Variants in FOXD4 observed in about 807,000 individuals in gnomAD.
FOXD4 encodes forkhead box protein D4.
In FOXD4, 22 loss-of-function variants were observed where a neutral mutation model predicts 26.5. That is an observed-to-expected ratio of 0.83 (90% CI 0.59 to 1.18). The LOEUF is 1.18. Ranked by LOEUF, FOXD4 falls within the 50% of genes most tolerant of loss-of-function variation. The pLI is 0.00. For synonymous variants in FOXD4, 258 were observed against 273.7 expected (o/e 0.94, Z 0.57); for missense variants, 625 against 605.8 (o/e 1.03, Z -0.33).
chr9:117,313 G>C lies in FOXD4; in HGVS notation c.807C>G (p.Leu269=), dbSNP rs201210219. The part of the protein sequence containing the change: ...LHPHPPRYLL[L]SAPAYAGAPK... ...GTGCCCCGGCATAGGCGGGGGCCGA[G>C]AGCAGTAGGTAGCGAGGAGGATGCG... The change falls in exon 1 of 1, where the codon CTC becomes CTG. Residue 269 remains leucine (L), a synonymous_variant. Coordinates refer to ENST00000382500, the MANE Select transcript of FOXD4 (RefSeq NM_207305.5). The C allele has an allele frequency of 5.1e-3, 8,184 of 1,600,496 alleles. 115 individuals are homozygous for C. In the African/African-American group the frequency reaches 0.058, roughly 11 times the overall value.
chr9:117,381 G>T lies in FOXD4; in HGVS notation c.739C>A (p.Pro247Thr), dbSNP rs768874618. The change falls in exon 1 of 1, where the codon CCC (proline) becomes ACC (threonine). Residue 247 changes from proline (P) to threonine (T), a missense_variant. Physicochemically the swap from Pro to Thr is conservative, Grantham distance 38. This residue lies in a region of FOXD4 where 92 missense variants were observed against 144.2 expected (regional missense o/e 0.64). Coordinates refer to ENST00000382500, the MANE Select transcript of FOXD4 (RefSeq NM_207305.5). ...APPQPVPGAY[P>T]NTGPGRRPYA... Reference sequence around the variant, plus strand: ...GGGCGTCTCCCGGGGCCGGTGTTGGGGTAGGCCCCCGGGACTGGCTGCGGC... The same window carrying T: ...GGGCGTCTCCCGGGGCCGGTGTTGGTGTAGGCCCCCGGGACTGGCTGCGGC... 2 of 1,590,796 alleles carry T rather than the reference G, an allele frequency of 1.3e-6. No individual in the cohort carries two copies. The highest frequency in any genetic ancestry group is 1.7e-5 in the Admixed American group (1 of 59,752).
Position 117,359 on chromosome 9 carries a change from C to A in FOXD4, c.761G>T (p.Arg254Leu). 6.3e-7 allele frequency: 1 copy of A among 1,589,838 alleles called. No homozygotes were observed. Among genetic ancestry groups the A allele is most frequent in the Non-Finnish European group, 8.5e-7 (1 of 1,174,536 alleles). ...GAYPNTGPGRRPYALLHPHPP... is the reference protein window; with the variant it reads ...GAYPNTGPGRLPYALLHPHPP... ...ATGCGGGTGCAGCAGAGCGTAAGGG[C>A]GTCTCCCGGGGCCGGTGTTGGGGTA... The change falls in exon 1 of 1, where the codon CGC (arginine) becomes CTC (leucine). Residue 254 changes from arginine to leucine, a missense_variant. Transcript: ENST00000382500.
chr9:117,976 C>T lies in FOXD4; in HGVS notation c.144G>A (p.Glu48=), dbSNP rs1479046191. 2.5e-6 allele frequency: 4 copies of T among 1,612,014 alleles called. No homozygotes were observed. The highest frequency in any genetic ancestry group is 3.4e-6 in the Non-Finnish European group (4 of 1,179,838). The part of the protein sequence containing the change: ...EEEAASQQFL[E]QSLQPGLQVA... ...CCTGCAGCCCCGGCTGGAGCGACTG[C>T]TCTAGGAACTGCTGGCTCGCCGCCT... is the stretch of plus-strand genomic sequence containing the variant. Residue 48 remains glutamate, a synonymous_variant, in exon 1 of 1, where the codon GAG becomes GAA. Coordinates refer to ENST00000382500, the MANE Select transcript of FOXD4 (RefSeq NM_207305.5).
rs762624307 is a variant in FOXD4, at chr9:117,848, C to T, written c.272G>A (p.Arg91Lys). 2 of 1,612,124 alleles carry T rather than the reference C, an allele frequency of 1.2e-6. No homozygotes were observed. The highest frequency in any genetic ancestry group is 1.1e-5 in the South Asian group (1 of 90,992). ...GGCATCTTCAGAGGCCGCCGCAGAC[C>T]TTGGCGGTGCCCTGAACTCGGTGCC... ...EFGTEFRAPPRSAAASEDARQ... is the reference protein window; with the variant it reads ...EFGTEFRAPPKSAAASEDARQ... The change falls in exon 1 of 1, where the codon AGG (arginine) becomes AAG (lysine). Residue 91 changes from arginine (R) to lysine (K), a missense_variant. By Grantham distance (26) the Arg-to-Lys change is conservative (BLOSUM62 2). Coordinates refer to ENST00000382500, the MANE Select transcript of FOXD4 (RefSeq NM_207305.5).
the FOXD4 span, chr9:116,820 CGGCCAGGGAACTGGGCGTG>C: frequency 6.2e-7 from 1 of 1,602,404 alleles, no homozygotes; most frequent in South Asian, 1.1e-5. Context: ...CCTGCGGACT[CGGCCAGGGAACTGGGCGTG>C]GGCGATACTA....
rs991671072 is a variant in FOXD4 at position 118,294 on chromosome 9, C to T, written c.-175G>A. ...TTTGCAACAACGTCCGGCAAAGATGCCTTCGCCTTTTATAAAAGCTTCTTC... is the reference window on the plus strand; with the variant it reads ...TTTGCAACAACGTCCGGCAAAGATGTCTTCGCCTTTTATAAAAGCTTCTTC... On this transcript the variant is annotated 5_prime_UTR_variant, in exon 1 of 1. Coordinates refer to ENST00000382500, the MANE Select transcript of FOXD4 (RefSeq NM_207305.5). 2.3e-5 allele frequency: 32 copies of T among 1,400,704 alleles called. No homozygotes were observed. The highest frequency in any genetic ancestry group is 3.1e-5 in the Non-Finnish European group (32 of 1,029,384). 86.8% of individuals were successfully genotyped at this position (1,400,704 alleles called of 1,614,324 possible).
In FOXD4 at chr9:117,936, C is replaced by A; in HGVS notation, c.184G>T (p.Gly62Trp). The part of the protein sequence containing the change: ...QPGLQVARWG[G>W]VALPREHIEG... ...ATGTGCTCTCGGGGAAGCGCAACCC[C>A]GCCCCACCGGGCCACCTGCAGCCCC... Residue 62 changes from glycine to tryptophan, a missense_variant, in exon 1 of 1, where the codon GGG becomes TGG. Around this residue, in one of 3 missense-constraint regions of FOXD4, gnomAD observed 399 missense variants for 329.4 expected, o/e 1.21. Transcript: ENST00000382500. 1 of 1,611,920 alleles carries A rather than the reference C, an allele frequency of 6.2e-7. No homozygotes were observed. Among genetic ancestry groups the A allele is most frequent in the Non-Finnish European group, 8.5e-7 (1 of 1,179,824 alleles).
chr9:117,650 G>A lies in FOXD4; in HGVS notation c.470C>T (p.Ser157Leu), dbSNP rs780521054. 1 of 1,613,860 alleles carries A rather than the reference G, an allele frequency of 6.2e-7. No homozygotes were observed. The highest frequency in any genetic ancestry group is 1.7e-5 in the Admixed American group (1 of 60,028). Residue 157 changes from serine to leucine, a missense_variant, in exon 1 of 1, where the codon TCG (serine) becomes TTG (leucine). Around this residue, in one of 3 missense-constraint regions of FOXD4, gnomAD observed 399 missense variants for 329.4 expected, o/e 1.21. Transcript: ENST00000382500. Reference sequence around the variant, plus strand: ...GATCTTGACGAAGCAGTCGTTCAGCGAGAGGTTGTGGCGGATGCTGTTCTG... The same window carrying A: ...GATCTTGACGAAGCAGTCGTTCAGCAAGAGGTTGTGGCGGATGCTGTTCTG... ...AWQNSIRHNLSLNDCFVKIPR... is the reference protein window; with the variant it reads ...AWQNSIRHNLLLNDCFVKIPR...
At position 117,194 on chromosome 9, in the gene FOXD4, A is replaced by G. The variant is rs761765883; in HGVS notation, c.926T>C (p.Val309Ala). Residue 309 changes from valine to alanine, a missense_variant, in exon 1 of 1, where the codon GTC becomes GCC. This residue lies in a region of FOXD4 where 92 missense variants were observed against 144.2 expected (regional missense o/e 0.64). Coordinates refer to ENST00000382500, the MANE Select transcript of FOXD4 (RefSeq NM_207305.5). Reference protein sequence around the residue: ...LVLSLGRRARVWRRHREADAS... With the variant: ...LVLSLGRRARAWRRHREADAS... ...ATCCGCCTCCCGGTGGCGACGCCAG[A>G]CCCTTGCCCTCCTCCCAAGGCTGAG... 5.0e-6 allele frequency: 8 copies of G among 1,610,214 alleles called. No homozygotes were observed. The East Asian group carries it at 1.6e-4, about 31-fold the overall frequency.
In FOXD4 at chr9:117,778, G is replaced by C. The variant is rs761124042; in HGVS notation, c.342C>G (p.Thr114=). The C allele has an allele frequency of 1.2e-6, 2 of 1,613,184 alleles. No individual in the cohort carries two copies. Among genetic ancestry groups the C allele is most frequent in the Non-Finnish European group, 1.7e-6 (2 of 1,180,020 alleles). The change falls in exon 1 of 1, where the codon ACC becomes ACG. Residue 114 remains threonine (T), a synonymous_variant. Transcript: ENST00000382500. ...TGTGCGGGCTTTGCAGGATGGCCAT[G>C]GTGATGAGCGCGATGTACGAGGAGG... ...KPPSSYIALI[T]MAILQSPHKR...
Position 117,872 on chromosome 9 carries a change from C to T in FOXD4, c.248G>A (p.Gly83Asp). 1 of 1,611,974 alleles carries T rather than the reference C, an allele frequency of 6.2e-7. No homozygotes were observed. The highest frequency in any genetic ancestry group is 1.1e-5 in the South Asian group (1 of 90,976). The change falls in exon 1 of 1, where the codon GGC becomes GAC. Residue 83 changes from glycine (G) to aspartate (D), a missense_variant. Transcript: ENST00000382500. ...GGGPSDPSEF[G>D]TEFRAPPRSA... Reference sequence around the variant, plus strand: ...CCTTGGCGGTGCCCTGAACTCGGTGCCAAACTCTGAGGGGTCGCTCGGGCC... The same window carrying T: ...CCTTGGCGGTGCCCTGAACTCGGTGTCAAACTCTGAGGGGTCGCTCGGGCC...
rs1819427418 is a variant in FOXD4 at position 118,176 on chromosome 9, C to A, written c.-57G>T. 12 of 1,234,264 alleles carry A rather than the reference C, an allele frequency of 9.7e-6. No individual in the cohort carries two copies. The highest frequency in any genetic ancestry group is 1.4e-5 in the Non-Finnish European group (12 of 878,434). 76.5% of individuals were successfully genotyped at this position (1,234,264 alleles called of 1,614,324 possible). On this transcript the variant is annotated 5_prime_UTR_variant, in exon 1 of 1. Coordinates refer to ENST00000382500, the MANE Select transcript of FOXD4 (RefSeq NM_207305.5). ...TGGCGGCCGGATCACCTGGCCCCGG[C>A]GGGCTGAGCTGGAAGCCCGGGATGA...
chr9:118,069 G>T lies in FOXD4; in HGVS notation c.51C>A (p.Leu17=), dbSNP rs757939391. ...ERLRSTPQRS[L]RDSDGEDGKI... is the part of the protein sequence containing the mutation. ...TACCGTCTTCCCCATCGGAGTCCCG[G>T]AGGCTGCGCTGCGGTGTGGAGCGAA... The change falls in exon 1 of 1, where the codon CTC becomes CTA. Residue 17 remains leucine, a synonymous_variant. Transcript: ENST00000382500. 10 of 1,612,018 alleles carry T rather than the reference G, an allele frequency of 6.2e-6. No homozygotes were observed. The highest frequency in any genetic ancestry group is 8.5e-6 in the Non-Finnish European group (10 of 1,179,848).
the FOXD4 span, chr9:116,942 G>T: frequency 8.7e-6 from 14 of 1,611,210 alleles, no homozygotes; most frequent in Non-Finnish European, 1.2e-5. Flanking sequence ...CAGCAGCGCC[G>T]ACGCGGCCGA....
Position 117,318 on chromosome 9 carries a change from G to C in FOXD4, c.802C>G (p.Leu268Val), listed in dbSNP as rs777383371. Reference sequence around the variant, plus strand: ...CCGGCATAGGCGGGGGCCGAGAGCAGTAGGTAGCGAGGAGGATGCGGGTGC... The same window carrying C: ...CCGGCATAGGCGGGGGCCGAGAGCACTAGGTAGCGAGGAGGATGCGGGTGC... The part of the protein sequence containing the change: ...LLHPHPPRYL[L>V]LSAPAYAGAP... Residue 268 changes from leucine to valine, a missense_variant, in exon 1 of 1, where the codon CTG becomes GTG. Around this residue, in one of 3 missense-constraint regions of FOXD4, gnomAD observed 92 missense variants for 144.2 expected, o/e 0.64. Transcript: ENST00000382500. 1 of 1,599,794 alleles carries C rather than the reference G, an allele frequency of 6.3e-7. No individual in the cohort carries two copies. Among genetic ancestry groups the C allele is most frequent in the Non-Finnish European group, 8.5e-7 (1 of 1,179,686 alleles).
Position 117,250 on chromosome 9 carries a change from T to C in FOXD4, c.870A>G (p.Ala290=). The change falls in exon 1 of 1, where the codon GCA becomes GCG. Residue 290 remains alanine (A), a synonymous_variant. Transcript: ENST00000382500. The part of the protein sequence containing the change: ...KAEGADLATP[A]PFPCCSPHLV... ...AGTGAGGGCTGCAGCACGGGAAGGG[T>C]GCCGGGGTCGCCAGGTCCGCGCCTT... 1 of 1,609,088 alleles carries C rather than the reference T, an allele frequency of 6.2e-7. No homozygotes were observed. The highest frequency in any genetic ancestry group is 1.7e-5 in the Admixed American group (1 of 60,024).
In FOXD4 at chr9:117,756, G is replaced by T. The variant is rs746885586; in HGVS notation, c.364C>A (p.His122Asn). ...LITMAILQSP[H>N]KRLTLSGICA... ...ATGCCGCTGAGCGTGAGGCGCTTGTGCGGGCTTTGCAGGATGGCCATGGTG... is the reference window on the plus strand; with the variant it reads ...ATGCCGCTGAGCGTGAGGCGCTTGTTCGGGCTTTGCAGGATGGCCATGGTG... The change falls in exon 1 of 1, where the codon CAC (histidine) becomes AAC (asparagine). Residue 122 changes from histidine to asparagine, a missense_variant. Transcript: ENST00000382500. 4 of 1,613,180 alleles carry T rather than the reference G, an allele frequency of 2.5e-6. No individual in the cohort carries two copies. Among genetic ancestry groups the T allele is most frequent in the Non-Finnish European group, 3.4e-6 (4 of 1,180,020 alleles).
chr9:117,760 G>A lies in FOXD4; in HGVS notation c.360C>T (p.Ser120=), dbSNP rs150615606. 59 of 1,613,186 alleles carry A rather than the reference G, an allele frequency of 3.7e-5. No individual in the cohort carries two copies. The highest frequency in any genetic ancestry group is 4.9e-5 in the Non-Finnish European group (58 of 1,180,016). ...CGCTGAGCGTGAGGCGCTTGTGCGGGCTTTGCAGGATGGCCATGGTGATGA... is the reference window on the plus strand; with the variant it reads ...CGCTGAGCGTGAGGCGCTTGTGCGGACTTTGCAGGATGGCCATGGTGATGA... ...IALITMAILQ[S]PHKRLTLSGI... Residue 120 remains serine, a synonymous_variant, in exon 1 of 1, where the codon AGC becomes AGT. Transcript: ENST00000382500.
At position 117,063 on chromosome 9, in the gene FOXD4, T is replaced by A. The variant is rs1324295213; in HGVS notation, c.1057A>T (p.Ser353Cys). ...ATTGTCCGACAGGCTTGACGGTCGC[T>A]GGAGCAGGGGGCAGTAGCTCCACGC... is the stretch of plus-strand genomic sequence containing the variant. ...RPRGATAPCS[S>C]DRQACRTILQ... is the part of the protein sequence containing the mutation. Residue 353 changes from serine to cysteine, a missense_variant, in exon 1 of 1, where the codon AGC becomes TGC. By Grantham distance (112) the Ser-to-Cys change is moderately radical. Transcript: ENST00000382500. 1.2e-6 allele frequency: 2 copies of A among 1,611,934 alleles called. No homozygotes were observed. The highest frequency in any genetic ancestry group is 1.3e-5 in the African/African-American group (1 of 74,856).
Sources: allele counts gnomAD v4.1 joint callset, GRCh38; gene constraint gnomAD v4.1.1; regional missense constraint gnomAD v4.1.1; transcripts MANE v1.5; gene names NCBI Gene and HGNC (gene_info 2026-07-23, HGNC 2026-07-21).